Variants in CACNA1C observed in about 807,000 individuals in gnomAD.
CACNA1C encodes calcium voltage-gated channel subunit alpha1 C, also known as voltage-dependent L-type calcium channel subunit alpha-1C.
A neutral mutation model predicts 229.0 loss-of-function variants in CACNA1C; 30 were observed. That is an observed-to-expected ratio of 0.13 (90% CI 0.10 to 0.18). The LOEUF (loss-of-function observed/expected upper bound fraction) is 0.18. Among genes scored for constraint, CACNA1C ranks in the 10% least tolerant of loss-of-function variants. The pLI, the probability that CACNA1C is intolerant of heterozygous loss-of-function variation, is 1.00. For missense variants in CACNA1C, 1,658 were observed against 2,845.0 expected (o/e 0.58, Z 9.49); for synonymous variants, 1,114 against 1,132.5 (o/e 0.98, Z 0.33).
At chr12:2,522,311 G>A (rs1014749060) in intron 9 of CACNA1C, among the ~76,000 whole-genome samples, 17 of 152,192 alleles carry the variant, frequency 1.1e-4, no homozygotes, top group Non-Finnish European at 2.4e-4. Flanking sequence ...AGTATGTAGG[G>A]CAATGATTTC....
At chr12:2,105,580 C>T (rs868211007) in intron 1 of CACNA1C, among the ~76,000 whole-genome samples, 31 of 151,000 alleles carry the variant, frequency 2.1e-4, no homozygotes, top group Non-Finnish European at 1.3e-4. Flanking sequence ...TGGGCGCCCA[C>T]CCCGGGGAGG....
rs548434487 is a variant in CACNA1C at position 2,655,034 on chromosome 12, G to A, written c.4141-113G>A. The stretch of plus-strand genomic sequence containing the variant: ...GCATGGGAAGACTGTTCAGCTTGTG[G>A]CAGCCAGTTCCAGGGACACCTGAGA... On this transcript the variant is annotated intron_variant, in intron 33 of 46. Transcript: ENST00000399655. 4.5e-5 allele frequency: 32 copies of A among 705,950 alleles called. No homozygotes were observed. The South Asian group carries it at 5.1e-4, about 11-fold the overall frequency. 43.7% of individuals were successfully genotyped at this position (705,950 alleles called of 1,614,324 possible).
chr12:2,443,488 T>A (rs2099248648), intron 3 of CACNA1C, among the ~76,000 whole-genome samples: 2 of 151,872 alleles, frequency 1.3e-5, no homozygotes, highest in Non-Finnish European at 2.9e-5. Flanking sequence ...TGTTCGTACC[T>A]CCTCTACACT....
intron 1 of CACNA1C, among the ~76,000 whole-genome samples, chr12:1,994,324 G>A (rs150728503): frequency 4.1e-4 from 63 of 152,338 alleles, no homozygotes; most frequent in Admixed American, 1.4e-3. Context: ...GAAATGTTAT[G>A]AGCAACAGGA....
chr12:2,578,601 T>C (rs1234186034), intron 13 of CACNA1C, among the ~76,000 whole-genome samples: 7 of 152,134 alleles, frequency 4.6e-5, no homozygotes, highest in East Asian at 1.9e-4. Context: ...AGGACTCATT[T>C]TGAAGATGGC....
intron 43 of CACNA1C, 48 bp downstream of exon 43, chr12:2,682,726 A>T: frequency 6.3e-7 from 1 of 1,582,526 alleles, no homozygotes; most frequent in Non-Finnish European, 8.6e-7. Flanking sequence ...GTGGGAACAA[A>T]TGTGGGGAGG....
chr12:2,325,058 C>T (rs2096228220), intron 3 of CACNA1C, among the ~76,000 whole-genome samples: 1 of 152,184 alleles, frequency 6.6e-6, no homozygotes, highest in African/African-American at 2.4e-5. Flanking sequence ...CAAAGCTCTG[C>T]CTGGACCTGG....
chr12:2,674,278 C>T (rs2096692104), intron 38 of CACNA1C, among the ~76,000 whole-genome samples: 2 of 152,070 alleles, frequency 1.3e-5, no homozygotes, highest in African/African-American at 4.8e-5. Flanking sequence ...CTGGCCTGAG[C>T]CACAGGCAGG....
In CACNA1C at chr12:2,078,839, T is replaced by C. The variant is rs578200582; in HGVS notation, c.49+25228T>C. ...AAAGACACATGCACACGTATGTTTATTGCGGCACTATTCACAATAGCAAAG... is the reference window on the plus strand; with the variant it reads ...AAAGACACATGCACACGTATGTTTACTGCGGCACTATTCACAATAGCAAAG... On this transcript the variant is annotated intron_variant, in intron 1 of 46. Transcript: ENST00000399655. Among the ~76,000 whole-genome samples the C allele has an allele frequency of 2.7e-3, 410 of 152,224 alleles. 2 individuals are homozygous for C. Among genetic ancestry groups the C allele is most frequent in the African/African-American group, 9.2e-3 (384 of 41,518 alleles).
In CACNA1C at chr12:2,285,017, C is replaced by T. The variant is rs140485606; in HGVS notation, c.478-163959C>T. Among the ~76,000 whole-genome samples the T allele has an allele frequency of 0.01, 1,525 of 152,266 alleles. 20 individuals are homozygous for T. Among genetic ancestry groups the T allele is most frequent in the African/African-American group, 0.035 (1,459 of 41,538 alleles). ...CAGTGAGCGGGGCCTGGGGTAGGGC[C>T]GTTCTGCAGATCCTGGGTTGGCTTC... On this transcript the variant is annotated intron_variant, in intron 3 of 46. Transcript: ENST00000399655. This position sits in a 1 kb window ranked among gnomAD's most constrained non-coding sequence, Gnocchi z 4.2.
chr12:2,354,005 G>C lies in CACNA1C; in HGVS notation c.478-94971G>C, dbSNP rs116297253. Reference sequence around the variant, plus strand: ...TAATCTGGCCACTGTGTTCACACAGGTTAGAGGAAGGAGAATCTGGAGACA... The same window carrying C: ...TAATCTGGCCACTGTGTTCACACAGCTTAGAGGAAGGAGAATCTGGAGACA... On this transcript the variant is annotated intron_variant, in intron 3 of 46. Transcript: ENST00000399655. The surrounding 1 kb of genome is among the most constrained non-coding windows in gnomAD (Gnocchi z 4.6). Among the ~76,000 whole-genome samples the C allele has an allele frequency of 3.8e-3, 583 of 152,332 alleles. 2 individuals carry two copies. The highest frequency in any genetic ancestry group is 0.013 in the African/African-American group (557 of 41,568).
intron 3 of CACNA1C, among the ~76,000 whole-genome samples, chr12:2,278,952 C>G (rs2090032338): frequency 6.6e-6 from 1 of 152,110 alleles, no homozygotes. Context: ...GCAGTGGTAT[C>G]TCATTGTGTT....
chr12:2,461,556 A>G (rs974030428), intron 5 of CACNA1C, among the ~76,000 whole-genome samples: 1 of 151,602 alleles, frequency 6.6e-6, no homozygotes, highest in Admixed American at 6.6e-5. Flanking sequence ...TTTTTTCCAA[A>G]CCTCAGACTT....
At chr12:2,018,901 T>G (rs2045893407) in intron 1 of CACNA1C, among the ~76,000 whole-genome samples, 1 of 152,124 alleles carries the variant, frequency 6.6e-6, no homozygotes, top group South Asian at 2.1e-4. Flanking sequence ...AACATGCAAA[T>G]AAACTGAACC....
At chr12:2,142,917 A>G (rs2094393399) in intron 3 of CACNA1C, among the ~76,000 whole-genome samples, 1 of 151,422 alleles carries the variant, frequency 6.6e-6, no homozygotes, top group South Asian at 2.1e-4. Flanking sequence ...AGGTTTGTAA[A>G]GTAGAAAAGT....
chr12:2,513,248 G>T (rs148015867), intron 9 of CACNA1C, among the ~76,000 whole-genome samples: 1 of 152,342 alleles, frequency 6.6e-6, no homozygotes, highest in East Asian at 1.9e-4. Context: ...TGCTAAGGCA[G>T]AGGCTTTTTT....
At chr12:2,684,215 C>T (rs1356717741) in intron 43 of CACNA1C, among the ~76,000 whole-genome samples, 2 of 152,128 alleles carry the variant, frequency 1.3e-5, no homozygotes, top group Non-Finnish European at 2.9e-5. Context: ...AAAGAAGAAT[C>T]GAGTGAGTAA....
intron 3 of CACNA1C, among the ~76,000 whole-genome samples, chr12:2,211,149 A>G (rs745419740): frequency 1.3e-5 from 2 of 152,256 alleles, no homozygotes; most frequent in African/African-American, 2.4e-5. Context: ...AGGTCCCTTC[A>G]GCGTCAGCAA....
intron 3 of CACNA1C, among the ~76,000 whole-genome samples, chr12:2,250,051 A>G (rs1042802323): frequency 3.3e-5 from 5 of 151,820 alleles, no homozygotes; most frequent in African/African-American, 1.2e-4. Context: ...CTCGTGATCC[A>G]CCTGCCTCGG....
Sources: allele counts gnomAD v4.1 joint callset (sites outside exome capture counted in the v4.1 genomes callset), GRCh38; gene constraint gnomAD v4.1.1; non-coding constraint Gnocchi (gnomAD v3.1); transcripts MANE v1.5; gene names NCBI Gene and HGNC (gene_info 2026-07-23, HGNC 2026-07-21).